MRPS27: variants seen among roughly 807,000 people sequenced by gnomAD.
MRPS27 encodes the protein small ribosomal subunit protein mS27.
Under a neutral mutation model 48.9 loss-of-function variants are expected in MRPS27, and 43 were observed. That is an observed-to-expected ratio of 0.88 (90% CI 0.69 to 1.13). The LOEUF is 1.13. Among genes scored for constraint, MRPS27 ranks in the 50% most tolerant of loss-of-function variants. The probability of loss-of-function intolerance (pLI) is 0.00; values close to 1 mark genes in which losing one functional copy is unlikely to be tolerated. For synonymous variants in MRPS27, 188 were observed against 171.9 expected (o/e 1.09, Z -0.73); for missense variants, 467 against 476.3 (o/e 0.98, Z 0.18).
intron 8 of MRPS27, 81 bp from the exon 9 acceptor site, chr5:72,226,280 G>C (rs1747894290): frequency 3.2e-6 from 5 of 1,539,572 alleles, no homozygotes; most frequent in Non-Finnish European, 4.5e-6. Flanking sequence ...AGGCCCAAGT[G>C]AATGTTCACC....
At chr5:72,225,437 G>C (rs976894760) in intron 9 of MRPS27, among the ~76,000 whole-genome samples, 1 of 152,156 alleles carries the variant, frequency 6.6e-6, no homozygotes, top group Non-Finnish European at 1.5e-5. Flanking sequence ...CTGCCTGTGG[G>C]GTGTAAGGCG....
At position 72,234,519 on chromosome 5, in the gene MRPS27, CCCT is replaced by C. The variant is rs376145115; in HGVS notation, c.397-325_397-323del. ...AGAAAAAAAGAAACCCACACAACCC[CCCT>C]AACTGGTTCAGTGACTCTTCTTATA... On this transcript the variant is annotated intron_variant, in intron 5 of 10. Coordinates refer to ENST00000261413, the MANE Select transcript of MRPS27 (RefSeq NM_015084.3). Among the ~76,000 whole-genome samples, 4 of 152,050 alleles carry C rather than the reference CCCT, an allele frequency of 2.6e-5. No individual in the cohort carries two copies. In the East Asian group the frequency reaches 7.7e-4, roughly 29 times the overall value.
chr5:72,278,398 G>A (rs1034393850), intron 4 of MRPS27, among the ~76,000 whole-genome samples: 11 of 145,966 alleles, frequency 7.5e-5, no homozygotes, highest in Admixed American at 5.5e-4. Flanking sequence ...AGCCGAGATC[G>A]CGCCACTGCA....
chr5:72,228,248 A>G lies in MRPS27; in HGVS notation c.694+18T>C. ...TCTAACCATGAAGAACAGTATTTGTAAGGATCATTTAGCTTACCAAGAAGT... is the reference window on the plus strand; with the variant it reads ...TCTAACCATGAAGAACAGTATTTGTGAGGATCATTTAGCTTACCAAGAAGT... On this transcript the variant is annotated intron_variant, in intron 8 of 10. Transcript: ENST00000261413. The G allele has an allele frequency of 4.5e-6, 7 of 1,551,336 alleles. No homozygotes were observed. Among genetic ancestry groups the G allele is most frequent in the Non-Finnish European group, 6.2e-6 (7 of 1,123,074 alleles).
chr5:72,276,720 A>T (rs1251190218), intron 4 of MRPS27, among the ~76,000 whole-genome samples: 1 of 152,146 alleles, frequency 6.6e-6, no homozygotes, highest in African/African-American at 2.4e-5. Context: ...TACCAGAAAA[A>T]AAAAAAATGC....
intron 2 of MRPS27, among the ~76,000 whole-genome samples, chr5:72,309,323 G>A (rs1326016938): frequency 5.3e-5 from 8 of 151,548 alleles, no homozygotes; most frequent in African/African-American, 1.9e-4. Context: ...GTAGTGCAGC[G>A]GCGTGATCTC....
At chr5:72,314,700 T>A (rs1422736144) in intron 1 of MRPS27, 2 of 152,272 alleles carry the variant, frequency 1.3e-5, no homozygotes, top group Non-Finnish European at 2.9e-5. Flanking sequence ...CATAATTTTA[T>A]GGATAAAACT....
chr5:72,234,196 A>G lies in MRPS27; in HGVS notation c.398T>C (p.Val133Ala). The change falls in exon 6 of 11, where the codon GTT (valine) becomes GCT (alanine). Residue 133 changes from valine to alanine, a missense_variant and splice_region_variant. Physicochemically the swap from Val to Ala is moderately conservative, Grantham distance 64. Transcript: ENST00000261413. ...DKALYTLVNK[V>A]QYGIFPDNFT... is the part of the protein sequence containing the mutation. ...GTTATCTGGAAAAATTCCATATTGA[A>G]CCTATAATGAAAATGAACATAACAG... 1.3e-6 allele frequency: 2 copies of G among 1,492,886 alleles called. No homozygotes were observed. The highest frequency in any genetic ancestry group is 1.8e-6 in the Non-Finnish European group (2 of 1,122,892). The allele number at this position is 1,492,886 out of a possible 1,614,324, so 92.5% of individuals were successfully genotyped here. A position where few individuals can be genotyped will look rare whatever the true frequency, so the allele number is the denominator to read the frequency against.
At position 72,220,817 on chromosome 5, in the gene MRPS27, G is replaced by A. The variant is rs1198826440; in HGVS notation, c.*92C>T. 1 of 1,531,746 alleles carries A rather than the reference G, an allele frequency of 6.5e-7. No individual in the cohort carries two copies. Among genetic ancestry groups the A allele is most frequent in the African/African-American group, 1.4e-5 (1 of 72,440 alleles). 94.9% of individuals were successfully genotyped at this position (1,531,746 alleles called of 1,614,324 possible). A position where few individuals can be genotyped will look rare whatever the true frequency, so the allele number is the denominator to read the frequency against. Reference sequence around the variant, plus strand: ...GCTTTAAGAAAAGAAGATGGGTAGAGGAAGCTGAGGCTGTTGTCCAGGCCA... The same window carrying A: ...GCTTTAAGAAAAGAAGATGGGTAGAAGAAGCTGAGGCTGTTGTCCAGGCCA... On this transcript the variant is annotated 3_prime_UTR_variant, in exon 11 of 11. Transcript: ENST00000261413.
intron 2 of MRPS27, among the ~76,000 whole-genome samples, chr5:72,299,391 G>A (rs1270452509): frequency 2.0e-5 from 3 of 151,832 alleles, no homozygotes; most frequent in Non-Finnish European, 4.4e-5. Context: ...GGAGACACAA[G>A]CAAGTGTATT....
At chr5:72,236,664 T>G (rs1748205792) in intron 5 of MRPS27, among the ~76,000 whole-genome samples, 1 of 152,230 alleles carries the variant, frequency 6.6e-6, no homozygotes, top group African/African-American at 2.4e-5. Context: ...TTTTACTCGC[T>G]TCCTTACCTG....
Position 72,238,034 on chromosome 5 carries a change from G to C in MRPS27, c.376C>G (p.Leu126Val), listed in dbSNP as rs773541081. ...CTCACCTTATTTACAAGGGTATATAGGGCTTTGTCTTGTGCATCATATTTT... is the reference window on the plus strand; with the variant it reads ...CTCACCTTATTTACAAGGGTATATACGGCTTTGTCTTGTGCATCATATTTT... The part of the protein sequence containing the change: ...CLKYDAQDKA[L>V]YTLVNKVQYG... Residue 126 changes from leucine to valine, a missense_variant, in exon 5 of 11, where the codon CTA becomes GTA. Leu to Val is a conservative substitution (Grantham distance 32, BLOSUM62 1). Coordinates refer to ENST00000261413, the MANE Select transcript of MRPS27 (RefSeq NM_015084.3). 1 of 1,612,492 alleles carries C rather than the reference G, an allele frequency of 6.2e-7. No individual in the cohort carries two copies.
intron 4 of MRPS27, among the ~76,000 whole-genome samples, chr5:72,269,933 C>T (rs1749192921): frequency 1.3e-5 from 2 of 152,102 alleles, no homozygotes; most frequent in Non-Finnish European, 2.9e-5. Context: ...TGGCTCACGC[C>T]TGTAATCCCA....
At chr5:72,221,249 CA>C in intron 10 of MRPS27, 101 bp from the exon 11 acceptor site, 1 of 1,422,880 alleles carries the variant, frequency 7.0e-7, no homozygotes, top group Non-Finnish European at 9.5e-7. Flanking sequence ...TAGATTTGAA[CA>C]AAAGTTTGCT....
chr5:72,271,944 T>G (rs919240006), intron 4 of MRPS27, among the ~76,000 whole-genome samples: 1 of 152,212 alleles, frequency 6.6e-6, no homozygotes, highest in African/African-American at 2.4e-5. Context: ...AACGAATTAT[T>G]TCTCCTCAAG....
intron 4 of MRPS27, among the ~76,000 whole-genome samples, chr5:72,248,844 C>T (rs1748580818): frequency 6.6e-6 from 1 of 152,182 alleles, no homozygotes; most frequent in Non-Finnish European, 1.5e-5. Flanking sequence ...CTAAAAAGGG[C>T]TCGGCCCATT....
At chr5:72,230,566 G>T (rs1343655267) in intron 7 of MRPS27, among the ~76,000 whole-genome samples, 1 of 152,098 alleles carries the variant, frequency 6.6e-6, no homozygotes, top group Non-Finnish European at 1.5e-5. Flanking sequence ...GGATTCTGTG[G>T]TCCAACACAT....
At chr5:72,270,172 G>A (rs539818202) in intron 4 of MRPS27, among the ~76,000 whole-genome samples, 4 of 144,850 alleles carry the variant, frequency 2.8e-5, no homozygotes, top group Admixed American at 7.0e-5. Flanking sequence ...CAGCCTGGGC[G>A]ACAAAAGAGA....
chr5:72,244,039 T>C (rs894372790), intron 4 of MRPS27, among the ~76,000 whole-genome samples: 1 of 152,132 alleles, frequency 6.6e-6, no homozygotes, highest in South Asian at 2.1e-4. Context: ...AATAAGATAA[T>C]AAAACCACCA....
Sources: allele counts gnomAD v4.1 joint callset (sites outside exome capture counted in the v4.1 genomes callset), GRCh38; gene constraint gnomAD v4.1.1; transcripts MANE v1.5; gene names NCBI Gene and HGNC (gene_info 2026-07-23, HGNC 2026-07-21).